Variants in DLEC1 observed in about 807,000 individuals in gnomAD.
DLEC1 encodes DLEC1 cilia and flagella associated protein, also known as deleted in lung and esophageal cancer protein 1.
DLEC1 carries 146 observed loss-of-function variants against 198.1 expected under a neutral mutation model. The ratio of observed to expected loss-of-function variants is 0.74; its 90% CI spans 0.64 to 0.85. DLEC1 has a LOEUF of 0.85. DLEC1 is among the 40% of genes least tolerant of loss of function. The pLI is 0.00. For missense variants in DLEC1, 2,233 were observed against 2,220.0 expected (o/e 1.01, Z -0.12); for synonymous variants, 897 against 866.8 (o/e 1.03, Z -0.61).
intron 6 of DLEC1, among the ~76,000 whole-genome samples, chr3:38,069,097 G>T (rs145357172): frequency 9.9e-4 from 151 of 152,248 alleles, no homozygotes; most frequent in African/African-American, 3.4e-3. Flanking sequence ...ATCAGCTAAA[G>T]GATGAAAAAG....
chr3:38,095,341 T>C lies in DLEC1; in HGVS notation c.2112+270T>C, dbSNP rs140274225. On this transcript the variant is annotated intron_variant, in intron 13 of 36. Transcript: ENST00000308059. Reference sequence around the variant, plus strand: ...CTCTGGGTGTCTCCCACATGTCTACTATGGCAAAAAACATTACCATCCCCA... The same window carrying C: ...CTCTGGGTGTCTCCCACATGTCTACCATGGCAAAAAACATTACCATCCCCA... 826 of 490,410 alleles carry C rather than the reference T, an allele frequency of 1.7e-3. 5 individuals are homozygous for C. Among genetic ancestry groups the C allele is most frequent in the Non-Finnish European group, 1.3e-3 (356 of 269,348 alleles). 30.4% of individuals were successfully genotyped at this position (490,410 alleles called of 1,614,324 possible).
intron 31 of DLEC1, 66 bp downstream of exon 31, chr3:38,117,368 G>A (rs1700232975): frequency 6.2e-7 from 1 of 1,604,064 alleles, no homozygotes; most frequent in Non-Finnish European, 8.5e-7. Context: ...AGGCACTGGT[G>A]GAGCCAGGCA....
intron 24 of DLEC1, 55 bp downstream of exon 24, chr3:38,111,802 C>T (rs368968099): frequency 6.3e-7 from 1 of 1,575,582 alleles, no homozygotes; most frequent in Non-Finnish European, 8.6e-7. Context: ...GAGCCACAGC[C>T]TTCTGTGGAT....
At chr3:38,092,713 G>A (rs578140197) in intron 10 of DLEC1, 77 bp from the exon 11 acceptor site, 12 of 1,308,554 alleles carry the variant, frequency 9.2e-6, no homozygotes, top group South Asian at 5.9e-5. Context: ...GTGTGTGTCC[G>A]AGAGGAGGAG....
At position 38,062,220 on chromosome 3, in the gene DLEC1, C is replaced by T. The variant is rs900965895; in HGVS notation, c.725C>T (p.Ser242Phe). 3.1e-6 allele frequency: 5 copies of T among 1,614,082 alleles called. No individual in the cohort carries two copies. The highest frequency in any genetic ancestry group is 4.2e-6 in the Non-Finnish European group (5 of 1,180,048). The change falls in exon 4 of 37, where the codon TCC becomes TTC. Residue 242 changes from serine to phenylalanine, a missense_variant. Coordinates refer to ENST00000308059, the MANE Select transcript of DLEC1 (RefSeq NM_007335.4). ...SKLTFSCEKR[S>F]VQKKELNKKL... ...CTGACATTTAGCTGTGAGAAGCGTT[C>T]CGTCCAGAAGAAAGAGCTGAACAAG...
In DLEC1 at chr3:38,123,499, T is replaced by G. The variant is rs1700590022; in HGVS notation, c.*1087T>G. 1 of 178,126 alleles carries G rather than the reference T, an allele frequency of 5.6e-6. No individual in the cohort carries two copies. The highest frequency in any genetic ancestry group is 1.4e-4 in the South Asian group (1 of 6,984). 11.0% of individuals were successfully genotyped at this position (178,126 alleles called of 1,614,324 possible). On this transcript the variant is annotated 3_prime_UTR_variant, in exon 37 of 37. Transcript: ENST00000308059. ...TCCCTAAAGTCTAAAATCCTGAAAA[T>G]CACAATCCTAAAAGATCAAAATCCT...
intron 6 of DLEC1, among the ~76,000 whole-genome samples, chr3:38,081,923 G>T (rs1250420802): frequency 7.3e-6 from 1 of 137,026 alleles, no homozygotes; most frequent in Non-Finnish European, 1.6e-5. Context: ...CCCGGACGGG[G>T]TGGCTGCCGG....
Position 38,062,621 on chromosome 3 carries a change from T to C in DLEC1, c.914T>C (p.Leu305Ser), listed in dbSNP as rs200319592. ...AGGAATAAAAACTGGATGAACCACT[T>C]ACGTGTGCCACAGAGAGAGCTAGAC... ...QPRNKNWMNHLRVPQRELDRL... is the reference protein window; with the variant it reads ...QPRNKNWMNHSRVPQRELDRL... Residue 305 changes from leucine (L) to serine (S), a missense_variant, in exon 5 of 37, where the codon TTA becomes TCA. Coordinates refer to ENST00000308059, the MANE Select transcript of DLEC1 (RefSeq NM_007335.4). The C allele has an allele frequency of 3.2e-5, 51 of 1,614,054 alleles. No homozygotes were observed. The highest frequency in any genetic ancestry group is 3.4e-6 in the Non-Finnish European group (4 of 1,180,038).
rs1166491555 is a variant in DLEC1 at position 38,123,116 on chromosome 3, G to A, written c.*704G>A. On this transcript the variant is annotated 3_prime_UTR_variant, in exon 37 of 37. Transcript: ENST00000308059. ...TCCCGATGCACATGGACACCACTCC[G>A]TATGCCCTGTGAAAACAAAACTTAA... 7.4e-6 allele frequency: 12 copies of A among 1,613,958 alleles called. No homozygotes were observed. Among genetic ancestry groups the A allele is most frequent in the African/African-American group, 1.3e-5 (1 of 74,920 alleles).
rs532010312 is a variant in DLEC1 at position 38,062,467 on chromosome 3, G to A, written c.873+99G>A. ...CATGAGAAGCTGTGATGAATCCATC[G>A]CAAAATAGAGTAGAGCTTGTGTTGG... On this transcript the variant is annotated intron_variant, in intron 4 of 36. Coordinates refer to ENST00000308059, the MANE Select transcript of DLEC1 (RefSeq NM_007335.4). The A allele has an allele frequency of 3.1e-5, 49 of 1,569,678 alleles. No individual in the cohort carries two copies. In the Middle Eastern group the frequency reaches 5.2e-4, roughly 17 times the overall value.
At chr3:38,042,908 G>A (rs1011096142) in intron 1 of DLEC1, among the ~76,000 whole-genome samples, 60 of 152,134 alleles carry the variant, frequency 3.9e-4, no homozygotes, top group African/African-American at 1.4e-3. Flanking sequence ...TTCGTCATCT[G>A]TTCTTTGCTT....
rs371576079 is a variant in DLEC1 at position 38,085,412 on chromosome 3, C to T, written c.1400C>T (p.Pro467Leu). The change falls in exon 8 of 37, where the codon CCC becomes CTC. Residue 467 changes from proline to leucine, a missense_variant. Pro to Leu is a moderately conservative substitution (Grantham distance 98, BLOSUM62 -3). Coordinates refer to ENST00000308059, the MANE Select transcript of DLEC1 (RefSeq NM_007335.4). ...ETQSAHTLLIPLQARRPPPVL... is the reference protein window; with the variant it reads ...ETQSAHTLLILLQARRPPPVL... ...CAGTCAGCCCACACACTTCTGATCCCCCTGCAGGCCCGGAGGCCGCCCCCC... is the reference window on the plus strand; with the variant it reads ...CAGTCAGCCCACACACTTCTGATCCTCCTGCAGGCCCGGAGGCCGCCCCCC... 4 of 1,613,918 alleles carry T rather than the reference C, an allele frequency of 2.5e-6. No homozygotes were observed. The highest frequency in any genetic ancestry group is 3.4e-6 in the Non-Finnish European group (4 of 1,179,996).
Position 38,117,465 on chromosome 3 carries a change from G to C in DLEC1, c.4401-62G>C, listed in dbSNP as rs777209583. ...GCTGGCCCGAGGCTGGATGAGCAGA[G>C]TGGGGGCAGCCAGAAGGCCCCAGGC... On this transcript the variant is annotated intron_variant, in intron 31 of 36. Transcript: ENST00000308059. 25 of 1,610,362 alleles carry C rather than the reference G, an allele frequency of 1.6e-5. No homozygotes were observed. The South Asian group carries it at 2.6e-4, about 17-fold the overall frequency.
Position 38,039,452 on chromosome 3 carries a change from A to G in DLEC1, c.227A>G (p.Glu76Gly), listed in dbSNP as rs540023974. ...LTQLALAQRP[E>G]PQLLRLRPSS... ...CAGCTTGCGCTGGCGCAGCGTCCCG[A>G]GCCTCAGCTGCTTCGTCTGCGCCCC... Residue 76 changes from glutamate to glycine, a missense_variant, in exon 1 of 37, where the codon GAG becomes GGG. Physicochemically the swap from Glu to Gly is moderately conservative, Grantham distance 98 (BLOSUM62 -2). Coordinates refer to ENST00000308059, the MANE Select transcript of DLEC1 (RefSeq NM_007335.4). 2 of 1,613,962 alleles carry G rather than the reference A, an allele frequency of 1.2e-6. No homozygotes were observed. The highest frequency in any genetic ancestry group is 1.7e-5 in the Admixed American group (1 of 60,024).
At chr3:38,073,578 G>C (rs922361660) in intron 6 of DLEC1, among the ~76,000 whole-genome samples, 1 of 152,152 alleles carries the variant, frequency 6.6e-6, no homozygotes, top group Non-Finnish European at 1.5e-5. Flanking sequence ...GCGGCAATGA[G>C]ATGCGGCTAT....
In DLEC1 at chr3:38,114,426, A is replaced by G. The variant is rs958339784; in HGVS notation, c.3751A>G (p.Thr1251Ala). ...PISSLRTTSY[T>A]IDQAQKEPAM... is the part of the protein sequence containing the mutation. ...CAGCTCCCTGAGGACCACCTCCTAC[A>G]CTATTGACCAGGCCCAGAAGGAACC... The change falls in exon 26 of 37, where the codon ACT becomes GCT. Residue 1251 changes from threonine (T) to alanine (A), a missense_variant. Coordinates refer to ENST00000308059, the MANE Select transcript of DLEC1 (RefSeq NM_007335.4). 4.3e-6 allele frequency: 7 copies of G among 1,614,072 alleles called. No homozygotes were observed. Among genetic ancestry groups the G allele is most frequent in the African/African-American group, 4.0e-5 (3 of 74,932 alleles).
intron 7 of DLEC1, among the ~76,000 whole-genome samples, 162 bp downstream of exon 7, chr3:38,084,407 G>GGTT (rs1559430017): frequency 2.2e-3 from 9 of 4,100 alleles, no homozygotes; most frequent in Non-Finnish European, 0.01. Flanking sequence ...TAGTAGTGGT[G>GGTT]GTGGTAGTAG....
At chr3:38,100,175 G>A in intron 18 of DLEC1, 111 bp from the exon 19 acceptor site, 2 of 1,366,814 alleles carry the variant, frequency 1.5e-6, no homozygotes, top group Non-Finnish European at 1.9e-6. Flanking sequence ...ATGGCTCTTG[G>A]AAGAGCTGGG....
chr3:38,066,905 G>C (rs1559411696), intron 6 of DLEC1, among the ~76,000 whole-genome samples: 1 of 152,318 alleles, frequency 6.6e-6, no homozygotes, highest in East Asian at 1.9e-4. Context: ...TCTGTGTCTG[G>C]CCATCACGTT....
Sources: allele counts gnomAD v4.1 joint callset (sites outside exome capture counted in the v4.1 genomes callset), GRCh38; gene constraint gnomAD v4.1.1; transcripts MANE v1.5; gene names NCBI Gene and HGNC (gene_info 2026-07-23, HGNC 2026-07-21).